The following LGSN variants were observed in gnomAD, a reference collection of about 807,000 sequenced individuals.
LGSN encodes the protein lengsin.
LGSN carries 21 observed loss-of-function variants against 19.5 expected under a neutral mutation model. That is an observed-to-expected ratio of 1.07 (90% CI 0.76 to 1.55). The LOEUF is 1.55. LGSN is among the 40% of genes most tolerant of loss of function. The pLI, the probability that LGSN is intolerant of heterozygous loss-of-function variation, is 0.00. For missense variants in LGSN, 673 were observed against 608.5 expected, an observed-to-expected ratio of 1.11 and a Z score of -1.12; for synonymous variants, 257 against 215.6, an observed-to-expected ratio of 1.19 and a Z score of -1.68.
chr6:63,570,991 A>C, the LGSN span: 132 of 152,318 alleles, frequency 8.7e-4, no homozygotes, highest in African/African-American at 2.9e-3. Context: ...CTTAGAATTT[A>C]AGATTTTAAA....
chr6:63,404,164 C>T, the LGSN span, among the ~76,000 whole-genome samples: 1 of 152,088 alleles, frequency 6.6e-6, no homozygotes, highest in South Asian at 2.1e-4. Context: ...TGCCCAGACT[C>T]CTAGAAGATG....
the LGSN span, among the ~76,000 whole-genome samples, chr6:63,359,237 G>A: frequency 6.6e-6 from 1 of 152,216 alleles, no homozygotes; most frequent in South Asian, 2.1e-4. Flanking sequence ...CGGTTTGCTA[G>A]TATTTTATTG....
the LGSN span, among the ~76,000 whole-genome samples, chr6:63,434,284 C>CA: frequency 1.3e-5 from 2 of 150,904 alleles, no homozygotes; most frequent in African/African-American, 2.4e-5. Flanking sequence ...ACTAAAAATA[C>CA]AAAAAATTAG....
In LGSN at chr6:63,291,717, G is replaced by A. The variant is rs528336168; in HGVS notation, c.163+3196C>T. ...GGCTTGAGGGTGGGGCCTTTGCCAGGGGACTGCCCTCTTCTATGCAGTATT... is the reference window on the plus strand; with the variant it reads ...GGCTTGAGGGTGGGGCCTTTGCCAGAGGACTGCCCTCTTCTATGCAGTATT... On this transcript the variant is annotated intron_variant, in intron 2 of 3. Transcript: ENST00000370657. 2.6e-5 allele frequency among the ~76,000 whole-genome samples: 4 copies of A among 152,316 alleles called. No individual in the cohort carries two copies. In the East Asian group the frequency reaches 5.8e-4, roughly 22 times the overall value.
rs1424233459 is a variant in LGSN at position 63,289,706 on chromosome 6, ATATATCAGT to A, written c.164-3962_164-3954del. Among the ~76,000 whole-genome samples, 10 of 152,344 alleles carry A rather than the reference ATATATCAGT, an allele frequency of 6.6e-5. No homozygotes were observed. The East Asian group carries it at 1.3e-3, about 21-fold the overall frequency. On this transcript the variant is annotated intron_variant, in intron 2 of 3. Coordinates refer to ENST00000370657, the MANE Select transcript of LGSN (RefSeq NM_016571.3). ...GTTTGTGTTCAGTGACAATGAGGAC[ATATATCAGT>A]TATATATAGAGAGCAAGCCATGGTC...
chr6:63,412,464 A>AAGAGAGAAGGAAAG, the LGSN span, among the ~76,000 whole-genome samples: 3 of 128,638 alleles, frequency 2.3e-5, no homozygotes, highest in Non-Finnish European at 4.6e-5. Context: ...GAAAGAAAGA[A>AAGAGAGAAGGAAAG]AAAGAGAGAG....
chr6:63,358,739 C>T, the LGSN span, among the ~76,000 whole-genome samples: 170 of 152,286 alleles, frequency 1.1e-3, no homozygotes, highest in African/African-American at 3.7e-3. Flanking sequence ...TGGGCTGAGA[C>T]AATGGGGTTT....
chr6:63,482,980 C>T, the LGSN span, among the ~76,000 whole-genome samples: 20 of 152,272 alleles, frequency 1.3e-4, no homozygotes, highest in East Asian at 2.5e-3. Context: ...GGATTACAGG[C>T]GTGAGCCACC....
chr6:63,367,966 A>T, the LGSN span, among the ~76,000 whole-genome samples: 1,939 of 152,014 alleles, frequency 0.013, 23 homozygotes, highest in Non-Finnish European at 0.018. Context: ...GGGGAGGGAT[A>T]GCATTAGGAG....
At chr6:63,503,398 C>T in the LGSN span, among the ~76,000 whole-genome samples, 4 of 152,142 alleles carry the variant, frequency 2.6e-5, no homozygotes, top group Non-Finnish European at 4.4e-5. Flanking sequence ...ATGTGCTGAT[C>T]CAAGGTATTC....
the LGSN span, among the ~76,000 whole-genome samples, chr6:63,325,353 A>G: frequency 6.6e-6 from 1 of 152,184 alleles, no homozygotes; most frequent in African/African-American, 2.4e-5. Flanking sequence ...ATCCCTAGCT[A>G]GACTAACCAG....
Position 63,294,993 on chromosome 6 carries a change from A to C in LGSN, c.83T>G (p.Leu28Ter). Residue 28 changes from leucine (L) to a stop codon, truncating the protein, a stop_gained, in exon 2 of 4, where the codon TTA becomes TGA. Coordinates refer to ENST00000370657, the MANE Select transcript of LGSN (RefSeq NM_016571.3). LOFTEE classifies it high-confidence loss of function. ...AGTGACTTTCTTCCTTGTCCTTCTT[A>C]ATGTGTTCATGCTGTTGGCTTCAGT... Reference protein sequence around the residue: ...NETEANSMNTLRRTRKKVTKP... With the variant: ...NETEANSMNT 1 of 1,613,590 alleles carries C rather than the reference A, an allele frequency of 6.2e-7. No homozygotes were observed. Among genetic ancestry groups the C allele is most frequent in the East Asian group, 2.2e-5 (1 of 44,810 alleles).
Position 63,281,078 on chromosome 6 carries a change from A to C in LGSN, c.473T>G (p.Val158Gly). The C allele has an allele frequency of 6.2e-7, 1 of 1,613,612 alleles. No homozygotes were observed. The highest frequency in any genetic ancestry group is 8.5e-7 in the Non-Finnish European group (1 of 1,179,904). The change falls in exon 4 of 4, where the codon GTT becomes GGT. Residue 158 changes from valine (V) to glycine (G), a missense_variant. Physicochemically the swap from Val to Gly is moderately radical, Grantham distance 109 (BLOSUM62 -3). Transcript: ENST00000370657. ...VLMPELSTFRVLPWADRTARV... is the reference protein window; with the variant it reads ...VLMPELSTFRGLPWADRTARV... The stretch of plus-strand genomic sequence containing the variant: ...TGCAGTTCTGTCAGCCCATGGCAAA[A>C]CTCTAAAGGTTGATAACTCTGGCAT...
chr6:63,557,214 G>T, the LGSN span, among the ~76,000 whole-genome samples: 1 of 152,140 alleles, frequency 6.6e-6, no homozygotes, highest in African/African-American at 2.4e-5. Flanking sequence ...AGGTACAATG[G>T]AAGTACAGGG....
the LGSN span, among the ~76,000 whole-genome samples, chr6:63,515,336 A>G: frequency 6.6e-6 from 1 of 152,044 alleles, no homozygotes; most frequent in Non-Finnish European, 1.5e-5. Context: ...GGCTCAAGCA[A>G]TTCTCCTGCC....
the LGSN span, among the ~76,000 whole-genome samples, chr6:63,418,940 C>T: frequency 1.3e-5 from 2 of 151,472 alleles, no homozygotes; most frequent in African/African-American, 4.8e-5. Context: ...GGAACTTTGA[C>T]TCCCAGCCTA....
At chr6:63,385,744 T>C in the LGSN span, among the ~76,000 whole-genome samples, 1 of 152,212 alleles carries the variant, frequency 6.6e-6, no homozygotes, top group Non-Finnish European at 1.5e-5. Flanking sequence ...CAATCTTGGA[T>C]CTATCCACTT....
the LGSN span, among the ~76,000 whole-genome samples, chr6:63,538,040 A>C: frequency 1.3e-5 from 2 of 152,276 alleles, no homozygotes; most frequent in African/African-American, 4.8e-5. Flanking sequence ...TAAGAAAGAA[A>C]GATAAATTAT....
chr6:63,281,330 TAATAA>T (rs1198591780), intron 3 of LGSN, 110 bp from the exon 4 acceptor site: 52 of 149,466 alleles, frequency 3.5e-4, no homozygotes, highest in Non-Finnish European at 5.3e-4. Context: ...TATATATATA[TAATAA>T]ATATATATAT....
Sources: allele counts gnomAD v4.1 joint callset (sites outside exome capture counted in the v4.1 genomes callset), GRCh38; gene constraint gnomAD v4.1.1; transcripts MANE v1.5; gene names NCBI Gene and HGNC (gene_info 2026-07-23, HGNC 2026-07-21).